ADAM18: variants seen among roughly 807,000 people sequenced by gnomAD.
ADAM18 encodes the protein disintegrin and metalloproteinase domain-containing protein 18.
In ADAM18, 117 loss-of-function variants were observed where a neutral mutation model predicts 94.4. That is an observed-to-expected ratio of 1.24 (90% confidence interval 1.07 to 1.45). The LOEUF (loss-of-function observed/expected upper bound fraction) is 1.45. ADAM18 is among the 40% of genes most tolerant of loss of function. The pLI is 0.00. For missense variants in ADAM18, 936 were observed against 880.0 expected, an observed-to-expected ratio of 1.06 and a Z score of -0.81; for synonymous variants, 327 against 291.6, an observed-to-expected ratio of 1.12 and a Z score of -1.24.
chr8:39,646,420 T>C (rs917198578), intron 11 of ADAM18, among the ~76,000 whole-genome samples: 4 of 152,214 alleles, frequency 2.6e-5, no homozygotes, highest in South Asian at 2.1e-4. Flanking sequence ...TTAATTGTGG[T>C]AATATATTTT....
At chr8:39,710,910 G>T (rs1024812816) in intron 18 of ADAM18, among the ~76,000 whole-genome samples, 1 of 152,144 alleles carries the variant, frequency 6.6e-6, no homozygotes, top group Non-Finnish European at 1.5e-5. Flanking sequence ...CAAGATTCAT[G>T]CTAGAAAATA....
chr8:39,661,000 A>G (rs1425122100), intron 12 of ADAM18, among the ~76,000 whole-genome samples: 2 of 151,910 alleles, frequency 1.3e-5, no homozygotes, highest in Non-Finnish European at 2.9e-5. Flanking sequence ...CCAGACTGTG[A>G]TGTTGAACAA....
chr8:39,618,579 A>G (rs1000271616), intron 6 of ADAM18, among the ~76,000 whole-genome samples: 4 of 152,232 alleles, frequency 2.6e-5, no homozygotes, highest in Non-Finnish European at 4.4e-5. Flanking sequence ...CTGGTTACAA[A>G]CAATCCATAG....
intron 14 of ADAM18, among the ~76,000 whole-genome samples, chr8:39,670,636 A>G (rs1933392162): frequency 6.6e-6 from 1 of 152,248 alleles, no homozygotes; most frequent in African/African-American, 2.4e-5. Flanking sequence ...TGATTATTGT[A>G]CTCATGGAGC....
At chr8:39,675,215 G>A (rs1821268667) in intron 14 of ADAM18, among the ~76,000 whole-genome samples, 1 of 152,176 alleles carries the variant, frequency 6.6e-6, no homozygotes, top group Non-Finnish European at 1.5e-5. Context: ...GCTGAAGAGT[G>A]TTTTCCAACT....
intron 13 of ADAM18, among the ~76,000 whole-genome samples, chr8:39,666,156 G>A (rs1024383304): frequency 9.2e-5 from 14 of 152,108 alleles, no homozygotes; most frequent in African/African-American, 3.1e-4. Flanking sequence ...TTCCACCTCA[G>A]CCTCCCAAGT....
At chr8:39,684,774 G>T (rs928070191) in intron 16 of ADAM18, among the ~76,000 whole-genome samples, 2 of 152,174 alleles carry the variant, frequency 1.3e-5, no homozygotes, top group East Asian at 3.9e-4. Flanking sequence ...AAAGGTAAAA[G>T]TTAATAAGCA....
Position 39,610,187 on chromosome 8 carries a change from T to G in ADAM18, c.345-342T>G, listed in dbSNP as rs149319132. 2.8e-3 allele frequency among the ~76,000 whole-genome samples: 423 copies of G among 152,280 alleles called. 3 individuals carry two copies. The highest frequency in any genetic ancestry group is 9.9e-3 in the African/African-American group (410 of 41,570). ...TCATTAGATATATAGTCTACATACATGCCGTCCCTTATCAAACCTCTGGAA... is the reference window on the plus strand; with the variant it reads ...TCATTAGATATATAGTCTACATACAGGCCGTCCCTTATCAAACCTCTGGAA... On this transcript the variant is annotated intron_variant, in intron 5 of 19. Coordinates refer to ENST00000265707, the MANE Select transcript of ADAM18 (RefSeq NM_014237.3).
At chr8:39,638,162 C>T (rs1035681201) in intron 9 of ADAM18, among the ~76,000 whole-genome samples, 6 of 151,490 alleles carry the variant, frequency 4.0e-5, no homozygotes, top group Admixed American at 6.6e-5. Flanking sequence ...AAATTATTTT[C>T]TCTTTAACTT....
At chr8:39,659,808 G>A (rs968744103) in intron 12 of ADAM18, among the ~76,000 whole-genome samples, 1 of 152,062 alleles carries the variant, frequency 6.6e-6, no homozygotes, top group Non-Finnish European at 1.5e-5. Context: ...TTAAAAATCA[G>A]TCATGCATTA....
chr8:39,697,632 A>G (rs934810727), intron 17 of ADAM18, among the ~76,000 whole-genome samples: 1 of 151,686 alleles, frequency 6.6e-6, no homozygotes, highest in East Asian at 1.9e-4. Context: ...TATTTCTTGC[A>G]TTCCTTTCTA....
intron 18 of ADAM18, among the ~76,000 whole-genome samples, chr8:39,715,364 A>G (rs1822539442): frequency 6.6e-6 from 1 of 152,028 alleles, no homozygotes; most frequent in Admixed American, 6.6e-5. Context: ...ATGCGTATAT[A>G]ATATCTAAAG....
intron 12 of ADAM18, among the ~76,000 whole-genome samples, chr8:39,663,320 G>A: frequency 6.6e-6 from 1 of 151,488 alleles, no homozygotes; most frequent in Non-Finnish European, 1.5e-5. Flanking sequence ...CTGGCATGGT[G>A]GCTAACTCCT....
At chr8:39,611,105 T>C in intron 6 of ADAM18, 6 of 994,566 alleles carry the variant, frequency 6.0e-6, no homozygotes, top group Non-Finnish European at 7.2e-6. Context: ...ATGCTCTTAA[T>C]TTGCTGGTAG....
At chr8:39,640,186 C>T (rs1026117231) in intron 10 of ADAM18, among the ~76,000 whole-genome samples, 3 of 152,042 alleles carry the variant, frequency 2.0e-5, no homozygotes, top group Non-Finnish European at 2.9e-5. Flanking sequence ...CCTCCCACTC[C>T]TCCAACCTCC....
At position 39,677,473 on chromosome 8, in the gene ADAM18, C is replaced by A. The variant is rs781004298; in HGVS notation, c.1568C>A (p.Ser523Tyr). Residue 523 changes from serine to tyrosine, a missense_variant, in exon 15 of 20, where the codon TCT becomes TAT. Ser to Tyr is a moderately radical substitution (Grantham distance 144). Transcript: ENST00000265707. Reference protein sequence around the residue: ...APFACFKEVNSLHERSENCGF... With the variant: ...APFACFKEVNYLHERSENCGF... Reference sequence around the variant, plus strand: ...TTTGCCTGTTTTAAAGAAGTTAATTCTCTGCATGAAAGATCTGAAAACTGT... The same window carrying A: ...TTTGCCTGTTTTAAAGAAGTTAATTATCTGCATGAAAGATCTGAAAACTGT... 9 of 1,610,936 alleles carry A rather than the reference C, an allele frequency of 5.6e-6. No individual in the cohort carries two copies. In the Admixed American group the frequency reaches 1.5e-4, roughly 27 times the overall value.
intron 10 of ADAM18, among the ~76,000 whole-genome samples, chr8:39,643,470 T>C (rs970866846): frequency 1.3e-5 from 2 of 152,126 alleles, no homozygotes; most frequent in Non-Finnish European, 2.9e-5. Context: ...TTAAGATATA[T>C]TACTTTGGGT....
chr8:39,694,211 G>A lies in ADAM18; in HGVS notation c.1902+1531G>A, dbSNP rs1483417900. On this transcript the variant is annotated intron_variant, in intron 17 of 19. Transcript: ENST00000265707. ...AAAAATTTCAAGGCTTCACATTTTA[G>A]AGTAATATTTGCAGAATATTTTTTA... Among the ~76,000 whole-genome samples the A allele has an allele frequency of 2.0e-5, 3 of 151,104 alleles. 1 individual carries two copies. Among genetic ancestry groups the A allele is most frequent in the Non-Finnish European group, 4.5e-5 (3 of 67,366 alleles).
chr8:39,614,306 A>T (rs1446032925), intron 6 of ADAM18, among the ~76,000 whole-genome samples: 1 of 152,222 alleles, frequency 6.6e-6, no homozygotes, highest in African/African-American at 2.4e-5. Context: ...GAAGAGATTG[A>T]GAGCCTATAT....
Sources: gnomAD v4.1 joint callset for allele counts (sites outside exome capture counted in the v4.1 genomes callset) on GRCh38, gnomAD v4.1.1 for gene constraint, MANE v1.5 for transcripts, NCBI Gene and HGNC (gene_info 2026-07-23, HGNC 2026-07-21) for gene names.